TMPO: variants seen among roughly 807,000 people sequenced by gnomAD.
TMPO encodes the protein thymopoietin.
TMPO carries 22 observed loss-of-function variants against 45.4 expected under a neutral mutation model. The ratio of observed to expected loss-of-function variants is 0.48; its 90% CI spans 0.35 to 0.69. The LOEUF (loss-of-function observed/expected upper bound fraction) is 0.69. Ranked by LOEUF, TMPO falls within the 30% of genes least tolerant of loss-of-function variation. The pLI, the probability that TMPO is intolerant of heterozygous loss-of-function variation, is 0.01. For synonymous variants in TMPO, 241 were observed against 204.1 expected (o/e 1.18, Z -1.54); for missense variants, 512 against 548.8 (o/e 0.93, Z 0.67).
At chr12:98,536,926 A>G (rs1398222191) in intron 3 of TMPO, among the ~76,000 whole-genome samples, 2 of 152,176 alleles carry the variant, frequency 1.3e-5, no homozygotes, top group Non-Finnish European at 2.9e-5. Flanking sequence ...TAGGTTTTTT[A>G]TAACTACATC....
intron 1 of TMPO, among the ~76,000 whole-genome samples, chr12:98,523,813 C>T (rs1224796670): frequency 6.6e-6 from 1 of 152,074 alleles, no homozygotes; most frequent in Non-Finnish European, 1.5e-5. Context: ...GTAGCTAGGA[C>T]TATAGGCGTG....
At chr12:98,521,810 A>G (rs1592932574) in intron 1 of TMPO, among the ~76,000 whole-genome samples, 2 of 151,386 alleles carry the variant, frequency 1.3e-5, no homozygotes, top group African/African-American at 2.4e-5. Context: ...GCTCACTGCA[A>G]CCTCCACCTC....
intron 1 of TMPO, among the ~76,000 whole-genome samples, chr12:98,526,675 T>C (rs1245532361): frequency 6.6e-6 from 1 of 152,120 alleles, no homozygotes; most frequent in Non-Finnish European, 1.5e-5. Context: ...GAAAATCATT[T>C]CTGGCCGGGC....
chr12:98,527,864 G>A, intron 1 of TMPO, 22 bp from the exon 2 acceptor site: 2 of 1,612,786 alleles, frequency 1.2e-6, no homozygotes, highest in South Asian at 2.2e-5. Context: ...ATATGGAAAT[G>A]ATTACTGGAC....
At chr12:98,542,310 G>A (rs768874536) in intron 4 of TMPO, among the ~76,000 whole-genome samples, 1 of 152,078 alleles carries the variant, frequency 6.6e-6, no homozygotes, top group African/African-American at 2.4e-5. Context: ...AAGTTAGTAC[G>A]AGTAACCATA....
At chr12:98,539,548 C>T (rs369097017) in intron 4 of TMPO, among the ~76,000 whole-genome samples, 3 of 149,412 alleles carry the variant, frequency 2.0e-5, no homozygotes, top group East Asian at 4.1e-4. Flanking sequence ...TCTCGGCTCA[C>T]TTGCAACCTC....
At chr12:98,547,196 C>T (rs984190520) in intron 8 of TMPO, among the ~76,000 whole-genome samples, 4 of 151,986 alleles carry the variant, frequency 2.6e-5, no homozygotes, top group Admixed American at 2.6e-4. Context: ...CTGCCTCAGC[C>T]TCCTGAGTAG....
At chr12:98,517,261 C>T (rs979779055) in intron 1 of TMPO, among the ~76,000 whole-genome samples, 2 of 152,168 alleles carry the variant, frequency 1.3e-5, no homozygotes, top group Non-Finnish European at 2.9e-5. Context: ...AATGTCTGAT[C>T]CTGGTTAAAT....
intron 1 of TMPO, among the ~76,000 whole-genome samples, chr12:98,517,059 C>G (rs1057335874): frequency 3.9e-5 from 6 of 152,232 alleles, no homozygotes; most frequent in Non-Finnish European, 8.8e-5. Context: ...GGTCCTCCCG[C>G]CTCGGCCTCA....
Position 98,533,628 on chromosome 12 carries a change from G to GT in TMPO, c.565+1791dup, listed in dbSNP as rs764114686. ...AGAACATACCTGGATCCGAACTGAT[G>GT]TCTTCTTTTGCCAAAACTGTTGTCT... On this transcript the variant is annotated intron_variant, in intron 3 of 8. Coordinates refer to ENST00000556029, the MANE Select transcript of TMPO (RefSeq NM_001032283.3). 5 of 1,614,188 alleles carry GT rather than the reference G, an allele frequency of 3.1e-6. No individual in the cohort carries two copies. In the South Asian group the frequency reaches 5.5e-5, roughly 18 times the overall value.
intron 4 of TMPO, among the ~76,000 whole-genome samples, chr12:98,540,134 G>A: frequency 6.6e-6 from 1 of 152,138 alleles, no homozygotes; most frequent in East Asian, 1.9e-4. Flanking sequence ...AAGAAACCAG[G>A]TCATTACAGA....
At chr12:98,541,549 C>G (rs1306017762) in intron 4 of TMPO, among the ~76,000 whole-genome samples, 1 of 152,098 alleles carries the variant, frequency 6.6e-6, no homozygotes, top group Non-Finnish European at 1.5e-5. Flanking sequence ...TTTTGTTTTC[C>G]TTGTCTTTAG....
Position 98,546,474 on chromosome 12 carries a change from T to C in TMPO, c.1079+27T>C, listed in dbSNP as rs1256433203. On this transcript the variant is annotated intron_variant, in intron 8 of 8. Transcript: ENST00000556029. The stretch of plus-strand genomic sequence containing the variant: ...TATTCAGATACATTTAAACAAGTAC[T>C]AGTGTATTCTAGTAGGGAATCTTTA... 2.2e-6 allele frequency: 3 copies of C among 1,355,818 alleles called. No homozygotes were observed. In the African/African-American group the frequency reaches 4.3e-5, roughly 19 times the overall value. The allele number at this position is 1,355,818 out of a possible 1,614,324, so 84.0% of individuals were successfully genotyped here. A position where few individuals can be genotyped will look rare whatever the true frequency, so the allele number is the denominator to read the frequency against.
chr12:98,538,773 G>A (rs539541811), intron 4 of TMPO, among the ~76,000 whole-genome samples: 9 of 152,292 alleles, frequency 5.9e-5, no homozygotes, highest in African/African-American at 1.9e-4. Context: ...TGTTAGAAAT[G>A]AGCTTTGTGA....
chr12:98,518,722 A>AT (rs1876093135), intron 1 of TMPO, among the ~76,000 whole-genome samples: 1 of 150,596 alleles, frequency 6.6e-6, no homozygotes, highest in Non-Finnish European at 1.5e-5. Flanking sequence ...AAATTTTTTA[A>AT]TTAAGATTAT....
chr12:98,545,598 A>G (rs34303017), intron 7 of TMPO, among the ~76,000 whole-genome samples: 7,262 of 152,262 alleles, frequency 0.048, 364 homozygotes, highest in East Asian at 0.24. Context: ...CAAGCTAAAC[A>G]TTATATTTTT....
At position 98,515,710 on chromosome 12, in the gene TMPO, C is replaced by G; in HGVS notation, c.-158C>G. 1 of 1,482,208 alleles carries G rather than the reference C, an allele frequency of 6.7e-7. No homozygotes were observed. The highest frequency in any genetic ancestry group is 9.0e-7 in the Non-Finnish European group (1 of 1,106,090). The allele number at this position is 1,482,208 out of a possible 1,614,324, so 91.8% of individuals were successfully genotyped here. ...TCTTTTGTGTCCGGGTCTGGCTTGG[C>G]TTTGTGTCCGCGAGTTTTTGTTCCG... On this transcript the variant is annotated 5_prime_UTR_variant, in exon 1 of 9. Transcript: ENST00000556029.
At chr12:98,521,977 C>T (rs1876404654) in intron 1 of TMPO, among the ~76,000 whole-genome samples, 1 of 151,894 alleles carries the variant, frequency 6.6e-6, no homozygotes, top group Non-Finnish European at 1.5e-5. Context: ...TGATCTGCCC[C>T]CCTTAGCCTC....
chr12:98,537,264 G>T (rs1358546574), intron 3 of TMPO, among the ~76,000 whole-genome samples: 1 of 152,132 alleles, frequency 6.6e-6, no homozygotes, highest in Non-Finnish European at 1.5e-5. Context: ...CAGATGAAAG[G>T]GTAAGGGAGA....
Sources: gnomAD v4.1 joint callset for allele counts (sites outside exome capture counted in the v4.1 genomes callset) on GRCh38, gnomAD v4.1.1 for gene constraint, MANE v1.5 for transcripts, NCBI Gene and HGNC (gene_info 2026-07-23, HGNC 2026-07-21) for gene names.